CTNNA3: variants seen among roughly 807,000 people sequenced by gnomAD.
The protein encoded by CTNNA3 is catenin alpha 3.
CTNNA3 carries 76 observed loss-of-function variants against 95.7 expected under a neutral mutation model. The observed-to-expected ratio is 0.79, with a 90% CI of 0.66 to 0.96. The LOEUF (loss-of-function observed/expected upper bound fraction) is 0.96, where lower values mean the gene tolerates loss of function less well. CTNNA3 is among the 40% of genes least tolerant of loss of function. The pLI is 0.00. For missense variants in CTNNA3, 1,191 were observed against 1,089.8 expected (o/e 1.09, Z -1.31); for synonymous variants, 431 against 374.4 (o/e 1.15, Z -1.74).
At chr10:66,942,270 T>TA (rs943555360) in intron 7 of CTNNA3, among the ~76,000 whole-genome samples, 2 of 152,164 alleles carry the variant, frequency 1.3e-5, no homozygotes, top group African/African-American at 4.8e-5. Flanking sequence ...CTGCAATATA[T>TA]AAAAAATGAT....
intron 6 of CTNNA3, among the ~76,000 whole-genome samples, chr10:67,213,400 C>G (rs994563389): frequency 2.0e-5 from 3 of 151,656 alleles, no homozygotes; most frequent in Admixed American, 2.0e-4. Context: ...AAATAATACA[C>G]TTTTGGCTTT....
At chr10:66,998,041 C>G (rs1045190320) in intron 7 of CTNNA3, among the ~76,000 whole-genome samples, 25 of 152,174 alleles carry the variant, frequency 1.6e-4, no homozygotes, top group African/African-American at 5.3e-4. Flanking sequence ...TTCATCCCCT[C>G]ATTTCTCCCC....
At chr10:67,064,290 G>A (rs1855935015) in intron 7 of CTNNA3, among the ~76,000 whole-genome samples, 1 of 152,046 alleles carries the variant, frequency 6.6e-6, no homozygotes, top group Non-Finnish European at 1.5e-5. Context: ...GCTACACTAT[G>A]TATTAGCATT....
At chr10:66,602,169 A>G (rs1164111099) in intron 10 of CTNNA3, among the ~76,000 whole-genome samples, 3 of 151,916 alleles carry the variant, frequency 2.0e-5, no homozygotes, top group African/African-American at 4.8e-5. Context: ...ATCTATGGGC[A>G]TGGGTAATTT....
intron 7 of CTNNA3, among the ~76,000 whole-genome samples, chr10:66,824,945 A>G (rs1202028232): frequency 1.3e-5 from 2 of 152,060 alleles, no homozygotes; most frequent in African/African-American, 4.8e-5. Context: ...CAAATTTACC[A>G]TAGTTATATC....
At chr10:66,088,618 A>C (rs2081086503) in intron 14 of CTNNA3, among the ~76,000 whole-genome samples, 2 of 151,668 alleles carry the variant, frequency 1.3e-5, no homozygotes, top group African/African-American at 4.8e-5. Context: ...ACTTTTATAA[A>C]GGTTTTCAAT....
chr10:66,335,173 G>A (rs577099632), intron 12 of CTNNA3, among the ~76,000 whole-genome samples: 7 of 151,996 alleles, frequency 4.6e-5, no homozygotes, highest in Admixed American at 6.5e-5. Context: ...CTATGGGTTC[G>A]AACTTCCTCC....
intron 9 of CTNNA3, among the ~76,000 whole-genome samples, chr10:66,627,652 A>T (rs1844985757): frequency 6.6e-6 from 1 of 152,154 alleles, no homozygotes; most frequent in African/African-American, 2.4e-5. Flanking sequence ...GTGAAAGGCA[A>T]CTTCTCATTA....
chr10:67,092,220 T>C (rs1233418215), intron 7 of CTNNA3, among the ~76,000 whole-genome samples: 1 of 151,882 alleles, frequency 6.6e-6, no homozygotes, highest in Non-Finnish European at 1.5e-5. Flanking sequence ...GTTAGAAAAC[T>C]TACTAGATAA....
At chr10:67,063,235 T>C (rs1393066046) in intron 7 of CTNNA3, among the ~76,000 whole-genome samples, 1 of 152,198 alleles carries the variant, frequency 6.6e-6, no homozygotes, top group African/African-American at 2.4e-5. Context: ...AAGTGCTTTA[T>C]AATAACTCTG....
intron 7 of CTNNA3, among the ~76,000 whole-genome samples, chr10:67,166,950 T>G (rs1204804239): frequency 6.6e-6 from 1 of 151,934 alleles, no homozygotes; most frequent in African/African-American, 2.4e-5. Flanking sequence ...CTACTAAAAA[T>G]ACAAAAATTA....
At chr10:66,088,742 A>T (rs762273825) in intron 14 of CTNNA3, among the ~76,000 whole-genome samples, 1 of 152,028 alleles carries the variant, frequency 6.6e-6, no homozygotes, top group African/African-American at 2.4e-5. Context: ...CAATCTTTTC[A>T]TGTCTTCTTC....
chr10:67,275,908 T>C (rs1028104151), intron 5 of CTNNA3, among the ~76,000 whole-genome samples: 1 of 152,158 alleles, frequency 6.6e-6, no homozygotes, highest in Non-Finnish European at 1.5e-5. Context: ...AATTTATGGA[T>C]CAGAAAACTA....
chr10:67,106,665 G>A (rs2131959096), intron 7 of CTNNA3, among the ~76,000 whole-genome samples: 1 of 152,216 alleles, frequency 6.6e-6, no homozygotes, highest in Non-Finnish European at 1.5e-5. Context: ...CTATTAAATT[G>A]TGCAGCAAGG....
chr10:66,644,847 CCCACA>C (rs1845650536), intron 9 of CTNNA3, among the ~76,000 whole-genome samples: 1 of 152,110 alleles, frequency 6.6e-6, no homozygotes, highest in Non-Finnish European at 1.5e-5. Flanking sequence ...TTGAACAGTT[CCCACA>C]CCACAAGAGT....
intron 7 of CTNNA3, among the ~76,000 whole-genome samples, chr10:67,175,420 A>AT (rs1275237125): frequency 6.6e-6 from 1 of 152,126 alleles, no homozygotes; most frequent in Non-Finnish European, 1.5e-5. Context: ...AATTTTCAGA[A>AT]TTTCCCAAGA....
intron 9 of CTNNA3, among the ~76,000 whole-genome samples, chr10:66,758,752 T>G (rs571335420): frequency 6.6e-6 from 1 of 152,156 alleles, no homozygotes; most frequent in South Asian, 2.1e-4. Context: ...CTGGCCAACA[T>G]AGTGAAACCT....
intron 6 of CTNNA3, among the ~76,000 whole-genome samples, chr10:67,193,589 G>C (rs1208822601): frequency 6.6e-6 from 1 of 151,994 alleles, no homozygotes; most frequent in Non-Finnish European, 1.5e-5. Flanking sequence ...AGAGAATGCA[G>C]TATTTGGTTT....
intron 17 of CTNNA3, among the ~76,000 whole-genome samples, chr10:65,952,167 A>C (rs868020976): frequency 1.3e-5 from 2 of 152,240 alleles, no homozygotes; most frequent in Admixed American, 6.5e-5. Context: ...CACAATCAAA[A>C]AGAAAATCCA....
Sources: allele counts gnomAD v4.1 joint callset (sites outside exome capture counted in the v4.1 genomes callset), GRCh38; gene constraint gnomAD v4.1.1; transcripts MANE v1.5; gene names NCBI Gene and HGNC (gene_info 2026-07-23, HGNC 2026-07-21).